Variants in AVEN observed in about 807,000 individuals in gnomAD.
AVEN encodes apoptosis and caspase activation inhibitor.
AVEN carries 41 observed loss-of-function variants against 38.1 expected under a neutral mutation model. The observed-to-expected ratio is 1.08, with a 90% CI of 0.84 to 1.40. AVEN has a LOEUF of 1.40. Among genes scored for constraint, AVEN ranks in the 40% most tolerant of loss-of-function variants. AVEN has a pLI of 0.00. For synonymous variants in AVEN, 206 were observed against 171.8 expected (o/e 1.20, Z -1.56); for missense variants, 605 against 438.8 (o/e 1.38, Z -3.38).
intron 2 of AVEN, among the ~76,000 whole-genome samples, chr15:33,917,504 GAAT>G (rs1181474218): frequency 7.6e-6 from 1 of 131,452 alleles, no homozygotes; most frequent in Non-Finnish European, 1.7e-5. Context: ...TATACACACG[GAAT>G]AATTCACACA....
At chr15:33,878,314 G>A (rs1170178247) in intron 2 of AVEN, among the ~76,000 whole-genome samples, 1 of 152,040 alleles carries the variant, frequency 6.6e-6, no homozygotes. Flanking sequence ...GATAGCCACT[G>A]GTGAAAAACA....
chr15:33,958,360 G>A (rs772075914), intron 2 of AVEN, among the ~76,000 whole-genome samples: 12 of 151,960 alleles, frequency 7.9e-5, no homozygotes, highest in East Asian at 1.9e-4. Context: ...TGGGTGGATC[G>A]CTTAAGGCCA....
At chr15:33,860,088 G>T (rs920684984) in intron 11 of AVEN, among the ~76,000 whole-genome samples, 10 of 151,716 alleles carry the variant, frequency 6.6e-5, no homozygotes, top group African/African-American at 2.4e-4. Flanking sequence ...GAGCTGGACA[G>T]TGCAGGGGAG....
intron 2 of AVEN, among the ~76,000 whole-genome samples, chr15:34,001,454 A>G (rs926278207): frequency 2.0e-5 from 3 of 152,154 alleles, no homozygotes; most frequent in African/African-American, 7.2e-5. Context: ...TATTACTTCA[A>G]TTTTCTCCCC....
At chr15:33,877,822 G>A (rs1399025106) in intron 2 of AVEN, among the ~76,000 whole-genome samples, 8 of 152,126 alleles carry the variant, frequency 5.3e-5, no homozygotes, top group Admixed American at 3.9e-4. Context: ...GGTGGCACAC[G>A]CCTATAATCC....
At chr15:34,020,846 A>G (rs1898170657) in intron 1 of AVEN, among the ~76,000 whole-genome samples, 1 of 152,216 alleles carries the variant, frequency 6.6e-6, no homozygotes, top group Non-Finnish European at 1.5e-5. Context: ...TAACCAGTAA[A>G]AGCTGTTTGA....
intron 2 of AVEN, among the ~76,000 whole-genome samples, chr15:33,977,366 A>G (rs959888213): frequency 6.6e-6 from 1 of 152,214 alleles, no homozygotes; most frequent in Non-Finnish European, 1.5e-5. Context: ...GACAGATTCA[A>G]AACAAATCCT....
intron 5 of AVEN, among the ~76,000 whole-genome samples, chr15:34,052,153 T>G (rs1270481293): frequency 6.6e-6 from 1 of 152,094 alleles, no homozygotes; most frequent in Admixed American, 6.5e-5. Flanking sequence ...TCCACCACAA[T>G]CAAGTTGGCT....
intron 2 of AVEN, among the ~76,000 whole-genome samples, chr15:33,905,838 A>T (rs1238192164): frequency 6.6e-6 from 1 of 151,898 alleles, no homozygotes; most frequent in Non-Finnish European, 1.5e-5. Context: ...AAAAAAAAAA[A>T]AAAAAGGTAA....
rs372823322 is a variant in AVEN, at chr15:34,009,747, G to C, written c.268-6538C>G. Among the ~76,000 whole-genome samples the C allele has an allele frequency of 3.3e-5, 5 of 152,274 alleles. No homozygotes were observed. The East Asian group carries it at 5.8e-4, about 18-fold the overall frequency. On this transcript the variant is annotated intron_variant, in intron 1 of 5. Coordinates refer to ENST00000306730, the MANE Select transcript of AVEN (RefSeq NM_020371.3). ...TCATGCCTGTAATCCCAATGCTTTG[G>C]GAGGCCAAGGTAGGGAGGGTCGCTT... is the stretch of plus-strand genomic sequence containing the variant.
At chr15:34,018,199 T>A (rs576395138) in intron 1 of AVEN, 3 of 152,242 alleles carry the variant, frequency 2.0e-5, no homozygotes, top group Non-Finnish European at 4.4e-5. Flanking sequence ...GACAGCTCCA[T>A]GCATTTTGCT....
At chr15:33,887,203 G>C (rs1465638668) in intron 2 of AVEN, among the ~76,000 whole-genome samples, 1 of 152,056 alleles carries the variant, frequency 6.6e-6, no homozygotes, top group African/African-American at 2.4e-5. Flanking sequence ...TATGGGGTTA[G>C]GAAGCAAATA....
intron 2 of AVEN, among the ~76,000 whole-genome samples, chr15:33,919,432 A>G (rs553410540): frequency 1.3e-5 from 2 of 152,332 alleles, no homozygotes; most frequent in East Asian, 1.9e-4. Context: ...ACTTTGGTGT[A>G]TATCAGAATC....
At chr15:33,854,945 C>T (rs925668343), downstream of AVEN, 1 of 1,580,894 alleles carries the variant, frequency 6.3e-7, no homozygotes, top group Non-Finnish European at 8.6e-7. Context: ...ACAGAATGGA[C>T]CTGTATATGC....
intron 3 of AVEN, among the ~76,000 whole-genome samples, chr15:33,872,863 C>A (rs1891039932): frequency 6.6e-6 from 1 of 151,976 alleles, no homozygotes; most frequent in East Asian, 1.9e-4. Flanking sequence ...ATCTAAGAGA[C>A]CGACACCCCT....
chr15:33,902,266 C>T (rs988815271), intron 2 of AVEN, among the ~76,000 whole-genome samples: 1 of 152,152 alleles, frequency 6.6e-6, no homozygotes, highest in Non-Finnish European at 1.5e-5. Context: ...TCCTGGTATG[C>T]ATGGCTAGTT....
chr15:34,025,339 T>C (rs1393682524), intron 1 of AVEN, among the ~76,000 whole-genome samples: 1 of 152,190 alleles, frequency 6.6e-6, no homozygotes, highest in Non-Finnish European at 1.5e-5. Flanking sequence ...TAGTAGCTTA[T>C]AAAATCGACA....
intron 2 of AVEN, among the ~76,000 whole-genome samples, chr15:33,888,455 G>C (rs763806696): frequency 6.6e-6 from 1 of 152,186 alleles, no homozygotes; most frequent in Middle Eastern, 3.4e-3. Context: ...CTAAAAGAAG[G>C]GCCAAAATCA....
At chr15:33,950,964 C>T (rs568087632) in intron 2 of AVEN, among the ~76,000 whole-genome samples, 9 of 151,792 alleles carry the variant, frequency 5.9e-5, no homozygotes, top group Non-Finnish European at 1.3e-4. Context: ...GCTATGATTG[C>T]ACCACTGCAC....
Sources: allele counts gnomAD v4.1 joint callset (sites outside exome capture counted in the v4.1 genomes callset), GRCh38; gene constraint gnomAD v4.1.1; transcripts MANE v1.5; gene names NCBI Gene and HGNC (gene_info 2026-07-23, HGNC 2026-07-21).